The following NRCAM variants were observed in gnomAD, a reference collection of about 807,000 sequenced individuals.
NRCAM encodes the protein NgCAM-related cell adhesion molecule.
A neutral mutation model predicts 156.5 loss-of-function variants in NRCAM; 83 were observed. That is an observed-to-expected ratio of 0.53 (90% confidence interval 0.44 to 0.64). The LOEUF (loss-of-function observed/expected upper bound fraction) is 0.64. NRCAM is among the 30% of genes least tolerant of loss of function. The probability of loss-of-function intolerance (pLI) is 0.00; values close to 1 mark genes in which losing one functional copy is unlikely to be tolerated. For synonymous variants in NRCAM, 538 were observed against 563.9 expected (o/e 0.95, Z 0.65); for missense variants, 1,417 against 1,597.3 (o/e 0.89, Z 1.92).
chr7:108,443,934 A>T (rs1051666825), intron 1 of NRCAM, among the ~76,000 whole-genome samples: 1 of 152,166 alleles, frequency 6.6e-6, no homozygotes, highest in Non-Finnish European at 1.5e-5. Flanking sequence ...ATACATAGAT[A>T]CAGGTGTAGG....
At chr7:108,421,985 C>A (rs1170492038) in intron 1 of NRCAM, among the ~76,000 whole-genome samples, 3 of 152,206 alleles carry the variant, frequency 2.0e-5, no homozygotes, top group Non-Finnish European at 4.4e-5. Context: ...TGGCATGCCA[C>A]ATACAGTGGA....
chr7:108,167,529 A>C (rs1178373371), intron 29 of NRCAM, among the ~76,000 whole-genome samples: 1 of 152,204 alleles, frequency 6.6e-6, no homozygotes, highest in Non-Finnish European at 1.5e-5. Flanking sequence ...TAATCGATTC[A>C]ACCTTTCCCA....
chr7:108,206,325 C>T (rs559999496), intron 13 of NRCAM, among the ~76,000 whole-genome samples: 71 of 152,280 alleles, frequency 4.7e-4, no homozygotes, highest in African/African-American at 1.6e-3. Context: ...AAAGTCAATT[C>T]GGCAGACCTT....
At chr7:108,207,784 A>T (rs891943957) in intron 12 of NRCAM, 125 bp from the exon 13 acceptor site, 27 of 690,152 alleles carry the variant, frequency 3.9e-5, no homozygotes, top group South Asian at 2.7e-5. Flanking sequence ...ATTTTTTTTG[A>T]GCGAATAGAT....
intron 2 of NRCAM, among the ~76,000 whole-genome samples, chr7:108,377,195 A>G (rs1405828354): frequency 1.3e-5 from 2 of 152,170 alleles, no homozygotes; most frequent in Non-Finnish European, 2.9e-5. Context: ...GACTGAAAAT[A>G]TATCTGCATA....
chr7:108,309,083 T>C (rs2216258), intron 3 of NRCAM, among the ~76,000 whole-genome samples: 135,268 of 152,240 alleles, frequency 0.89, 60,211 homozygotes, highest in East Asian at 1. Context: ...CTTCACTGCA[T>C]TGTCATTCAG....
intron 29 of NRCAM, 109 bp downstream of exon 29, chr7:108,168,168 G>A: frequency 4.3e-6 from 5 of 1,157,444 alleles, no homozygotes; most frequent in Non-Finnish European, 5.7e-6. Flanking sequence ...CATTTAATTG[G>A]ATCAAGTTAT....
chr7:108,419,680 CT>C (rs1320787916), intron 1 of NRCAM, among the ~76,000 whole-genome samples: 17 of 152,230 alleles, frequency 1.1e-4, no homozygotes, highest in Admixed American at 2.6e-4. Flanking sequence ...CATGTCTCCA[CT>C]TTCGTGTCCA....
chr7:108,219,885 C>T (rs978779104), intron 11 of NRCAM, among the ~76,000 whole-genome samples: 2 of 152,064 alleles, frequency 1.3e-5, no homozygotes, highest in Admixed American at 1.3e-4. Flanking sequence ...AAAGGGTATC[C>T]AAATTCGTAA....
chr7:108,208,143 A>C (rs996441051), intron 12 of NRCAM, among the ~76,000 whole-genome samples: 121 of 141,412 alleles, frequency 8.6e-4, no homozygotes, highest in African/African-American at 3.1e-3. Context: ...AAAATACAAA[A>C]AAAAAAAAAA....
Position 108,304,339 on chromosome 7 carries a change from GC to G in NRCAM, c.-107+8325del, listed in dbSNP as rs371899649. Among the ~76,000 whole-genome samples, 35 of 150,866 alleles carry G rather than the reference GC, an allele frequency of 2.3e-4. 2 individuals carry two copies. In the East Asian group the frequency reaches 5.6e-3, roughly 24 times the overall value. ...GTCACCACTCTTTTGAACTCCTAGA[GC>G]ACTTTTGGCCTCTACAACACATTTA... On this transcript the variant is annotated intron_variant, in intron 3 of 32. Transcript: ENST00000379028.
intron 11 of NRCAM, among the ~76,000 whole-genome samples, chr7:108,210,074 A>T (rs1351132264): frequency 6.6e-6 from 1 of 152,220 alleles, no homozygotes; most frequent in Non-Finnish European, 1.5e-5. Flanking sequence ...TTCCATATCA[A>T]ATGGAATAAT....
intron 1 of NRCAM, among the ~76,000 whole-genome samples, chr7:108,404,086 C>T (rs879393440): frequency 5.9e-5 from 9 of 152,158 alleles, no homozygotes; most frequent in Non-Finnish European, 1.2e-4. Context: ...CCCAGCCTCA[C>T]TCCACTAATT....
At chr7:108,231,614 G>T (rs184059874) in intron 7 of NRCAM, among the ~76,000 whole-genome samples, 19 of 152,278 alleles carry the variant, frequency 1.2e-4, no homozygotes, top group African/African-American at 4.1e-4. Context: ...TTGTAAGATA[G>T]TATTTCAGAA....
At chr7:108,330,182 G>A (rs2099112477) in intron 2 of NRCAM, among the ~76,000 whole-genome samples, 1 of 152,190 alleles carries the variant, frequency 6.6e-6, no homozygotes, top group Admixed American at 6.5e-5. Flanking sequence ...CCATTGGAAA[G>A]AAGAATTTGT....
In NRCAM at chr7:108,318,039, C is replaced by CTTTTTTTTT. The variant is rs779703662; in HGVS notation, c.-173-5317_-173-5309dup. Among the ~76,000 whole-genome samples, 22 of 72,820 alleles carry CTTTTTTTTT rather than the reference C, an allele frequency of 3.0e-4. 1 individual carries two copies. The highest frequency in any genetic ancestry group is 5.2e-4 in the African/African-American group (9 of 17,226). 47.8% of individuals were successfully genotyped at this position (72,820 alleles called of 152,430 possible). A position where few individuals can be genotyped will look rare whatever the true frequency, so the allele number is the denominator to read the frequency against. On this transcript the variant is annotated intron_variant, in intron 2 of 32. Coordinates refer to ENST00000379028, the MANE Select transcript of NRCAM (RefSeq NM_001037132.4). ...GGAGGGACCTGGAAATTCACTTTTC[C>CTTTTTTTTT]TTTTTTTTTTTTTTTTTTTTTTTTG...
intron 1 of NRCAM, among the ~76,000 whole-genome samples, chr7:108,436,007 A>G (rs895634574): frequency 2.0e-5 from 3 of 152,134 alleles, no homozygotes; most frequent in Non-Finnish European, 2.9e-5. Context: ...GTTGGCGGGC[A>G]CCTGTAGTCC....
intron 3 of NRCAM, among the ~76,000 whole-genome samples, chr7:108,290,808 G>C (rs921642136): frequency 2.0e-5 from 3 of 152,092 alleles, no homozygotes; most frequent in African/African-American, 7.2e-5. Flanking sequence ...TATTCTTTCA[G>C]GGTTCTGAAA....
intron 11 of NRCAM, among the ~76,000 whole-genome samples, chr7:108,216,201 G>T (rs2088683108): frequency 6.6e-6 from 1 of 152,110 alleles, no homozygotes; most frequent in Non-Finnish European, 1.5e-5. Context: ...GAAATTCTGG[G>T]TTGAAAATTC....
Sources: allele counts gnomAD v4.1 joint callset (sites outside exome capture counted in the v4.1 genomes callset), GRCh38; gene constraint gnomAD v4.1.1; transcripts MANE v1.5; gene names NCBI Gene and HGNC (gene_info 2026-07-23, HGNC 2026-07-21).